DAZAP1: variants seen among roughly 807,000 people sequenced by gnomAD.
DAZAP1 encodes DAZ-associated protein 1.
DAZAP1 carries 6 observed loss-of-function variants against 60.1 expected under a neutral mutation model. That is an observed-to-expected ratio of 0.10 (90% CI 0.05 to 0.20). The LOEUF (loss-of-function observed/expected upper bound fraction) is 0.20. Ranked by LOEUF, DAZAP1 falls within the 10% of genes least tolerant of loss-of-function variation. The pLI is 1.00. For synonymous variants in DAZAP1, 235 were observed against 215.9 expected, an observed-to-expected ratio of 1.09 and a Z score of -0.78; for missense variants, 366 against 560.4, an observed-to-expected ratio of 0.65 and a Z score of 3.50.
intron 4 of DAZAP1, among the ~76,000 whole-genome samples, chr19:1,420,904 C>T (rs937814884): frequency 4.6e-5 from 7 of 152,158 alleles, no homozygotes; most frequent in African/African-American, 7.2e-5. Flanking sequence ...GTCGTGGGTC[C>T]GTTTAGCTGA....
At chr19:1,415,482 T>C (rs1260360757) in intron 1 of DAZAP1, among the ~76,000 whole-genome samples, 2 of 150,848 alleles carry the variant, frequency 1.3e-5, no homozygotes, top group African/African-American at 2.4e-5. Context: ...CCAGCCAGGC[T>C]TGGGGGCCCT....
intron 8 of DAZAP1, among the ~76,000 whole-genome samples, chr19:1,429,499 C>T (rs866157030): frequency 6.6e-6 from 1 of 152,218 alleles, no homozygotes; most frequent in African/African-American, 2.4e-5. Flanking sequence ...CTGGGCTTGG[C>T]TGCAGCCCGA....
At chr19:1,407,926 T>C in intron 1 of DAZAP1, 124 bp downstream of exon 1, 1 of 883,616 alleles carries the variant, frequency 1.1e-6, no homozygotes, top group South Asian at 5.2e-5. Context: ...GGGGGCGGAC[T>C]CGGGACCCGG....
intron 1 of DAZAP1, chr19:1,417,278 G>C (rs1280134876): frequency 1.6e-6 from 1 of 607,274 alleles, no homozygotes. Context: ...CTGTGGCACG[G>C]TCCTCTCCCC....
Position 1,418,377 on chromosome 19 carries a change from G to T in DAZAP1, c.237+7G>T, listed in dbSNP as rs2083048109. 1 of 1,610,504 alleles carries T rather than the reference G, an allele frequency of 6.2e-7. No homozygotes were observed. Among genetic ancestry groups the T allele is most frequent in the Non-Finnish European group, 8.5e-7 (1 of 1,177,404 alleles). Reference sequence around the variant, plus strand: ...CACGCTAGATGGCCGAAACGTAAGTGCCCTTCCGGGAGCTCACACCCGCTC... The same window carrying T: ...CACGCTAGATGGCCGAAACGTAAGTTCCCTTCCGGGAGCTCACACCCGCTC... On this transcript the variant is annotated splice_region_variant and intron_variant, in intron 3 of 11. Transcript: ENST00000233078. The surrounding 1 kb of genome is among the most constrained non-coding windows in gnomAD (Gnocchi z 5.7).
Position 1,432,768 on chromosome 19 carries a change from C to T in DAZAP1, c.1048+78C>T. 1 of 1,455,834 alleles carries T rather than the reference C, an allele frequency of 6.9e-7. No individual in the cohort carries two copies. The highest frequency in any genetic ancestry group is 2.3e-5 in the East Asian group (1 of 43,380). The allele number at this position is 1,455,834 out of a possible 1,614,324, so 90.2% of individuals were successfully genotyped here. ...CGGCCTGCCTTCTTCTGCTTCCTCCCCTGCTGGACGCTCCCCAGCCTTTAC... is the reference window on the plus strand; with the variant it reads ...CGGCCTGCCTTCTTCTGCTTCCTCCTCTGCTGGACGCTCCCCAGCCTTTAC... On this transcript the variant is annotated intron_variant, in intron 11 of 11. Transcript: ENST00000233078. The surrounding 1 kb of genome is among the most constrained non-coding windows in gnomAD (Gnocchi z 4.9).
chr19:1,425,815 TTCA>T lies in DAZAP1; in HGVS notation c.464-57_464-55del. The T allele has an allele frequency of 3.5e-6, 4 of 1,148,818 alleles. No homozygotes were observed. Among genetic ancestry groups the T allele is most frequent in the African/African-American group, 1.5e-5 (1 of 65,850 alleles). 71.2% of individuals were successfully genotyped at this position (1,148,818 alleles called of 1,614,324 possible). A position where few individuals can be genotyped will look rare whatever the true frequency, so the allele number is the denominator to read the frequency against. ...ATCCCTCGGCCCGTCCCTAATACTGTTCATCATCCTGTTTTGTGTCACAACACC... is the reference window on the plus strand; with the variant it reads ...ATCCCTCGGCCCGTCCCTAATACTGTTCATCCTGTTTTGTGTCACAACACC... On this transcript the variant is annotated intron_variant, in intron 6 of 11. Coordinates refer to ENST00000233078, the MANE Select transcript of DAZAP1 (RefSeq NM_018959.4). The surrounding 1 kb of genome is among the most constrained non-coding windows in gnomAD (Gnocchi z 5.4).
Position 1,433,751 on chromosome 19 carries a change from A to AT in DAZAP1, c.1049-984dup. 6.2e-7 allele frequency: 1 copy of AT among 1,613,664 alleles called. No individual in the cohort carries two copies. Among genetic ancestry groups the AT allele is most frequent in the Non-Finnish European group, 8.5e-7 (1 of 1,179,812 alleles). On this transcript the variant is annotated intron_variant, in intron 11 of 11. Transcript: ENST00000233078. The surrounding 1 kb of genome is among the most constrained non-coding windows in gnomAD (Gnocchi z 6.1). The stretch of plus-strand genomic sequence containing the variant: ...CGTCTCTTGCCAGGCCTGGGTTCCT[A>AT]TTCTCCAGCCCCGCCGGGCTGCGGC...
chr19:1,421,365 C>T (rs2083150984), intron 5 of DAZAP1, 107 bp downstream of exon 5: 17 of 934,442 alleles, frequency 1.8e-5, no homozygotes, highest in Non-Finnish European at 2.8e-5. Context: ...ACGGGCCTTT[C>T]AGGCTGGGAG....
At chr19:1,430,767 C>T (rs1464659156) in intron 10 of DAZAP1, among the ~76,000 whole-genome samples, 2 of 150,828 alleles carry the variant, frequency 1.3e-5, no homozygotes, top group Non-Finnish European at 1.5e-5. Context: ...GTAGCCCAGG[C>T]TGGAGTGCAG....
chr19:1,421,449 A>G (rs1290835777), intron 5 of DAZAP1, among the ~76,000 whole-genome samples, 191 bp downstream of exon 5: 1 of 152,202 alleles, frequency 6.6e-6, no homozygotes, highest in Non-Finnish European at 1.5e-5. Flanking sequence ...CTTCATGGCC[A>G]TTTCGTGTCC....
At chr19:1,415,353 A>ACGTGTGTG (rs2082945899) in intron 1 of DAZAP1, among the ~76,000 whole-genome samples, 1 of 109,374 alleles carries the variant, frequency 9.1e-6, no homozygotes, top group African/African-American at 3.8e-5. Context: ...TCAGGGTTTT[A>ACGTGTGTG]TGTGTGTGTG....
chr19:1,419,500 C>T (rs561788721), intron 4 of DAZAP1, among the ~76,000 whole-genome samples: 63 of 152,312 alleles, frequency 4.1e-4, no homozygotes, highest in Non-Finnish European at 7.8e-4. Flanking sequence ...GGCCACCCCT[C>T]GCATGCACCC....
At chr19:1,430,088 T>TCCCGTGTCCTGAGTGCTGGAGA in intron 9 of DAZAP1, 92 bp downstream of exon 9, 1 of 1,580,082 alleles carries the variant, frequency 6.3e-7, no homozygotes, top group East Asian at 2.3e-5. Flanking sequence ...AAAGCCTGGT[T>TCCCGTGTCCTGAGTGCTGGAGA]CCCGTGTCCT....
At position 1,434,682 on chromosome 19, in the gene DAZAP1, C is replaced by T. The variant is rs774483990; in HGVS notation, c.1049-55C>T. ...GCTGTGTCCAGGTGGCCTCGCTCGA[C>T]GGCAGTGCCAACCGCCCAGGGACCG... On this transcript the variant is annotated intron_variant, in intron 11 of 11. Coordinates refer to ENST00000233078, the MANE Select transcript of DAZAP1 (RefSeq NM_018959.4). The surrounding 1 kb of genome is among the most constrained non-coding windows in gnomAD (Gnocchi z 8.0). 137 of 1,591,152 alleles carry T rather than the reference C, an allele frequency of 8.6e-5. 1 individual carries two copies. Among genetic ancestry groups the T allele is most frequent in the East Asian group, 2.3e-4 (10 of 43,648 alleles).
chr19:1,430,018 A>G, intron 9 of DAZAP1, 22 bp downstream of exon 9: 5 of 1,574,778 alleles, frequency 3.2e-6, no homozygotes, highest in Non-Finnish European at 4.3e-6. Flanking sequence ...TTTATAGAGC[A>G]AAGGCGGGGA....
Position 1,422,912 on chromosome 19 carries a change from T to G in DAZAP1, c.463+516T>G, listed in dbSNP as rs2144825479. 6.6e-6 allele frequency among the ~76,000 whole-genome samples: 1 copy of G among 151,696 alleles called. No homozygotes were observed. Among genetic ancestry groups the G allele is most frequent in the African/African-American group, 2.4e-5 (1 of 41,282 alleles). ...TCAGCAGGGCAGGTGGGAGGAGGGG[T>G]GAGGAGTCACCTCAGGGCCTCCCCT... On this transcript the variant is annotated intron_variant, in intron 6 of 11. Transcript: ENST00000233078. The surrounding 1 kb of genome is among the most constrained non-coding windows in gnomAD (Gnocchi z 4.5).
At position 1,434,693 on chromosome 19, in the gene DAZAP1, A is replaced by G. The variant is rs369830243; in HGVS notation, c.1049-44A>G. The G allele has an allele frequency of 2.0e-5, 32 of 1,601,204 alleles. No homozygotes were observed. Among genetic ancestry groups the G allele is most frequent in the Non-Finnish European group, 2.5e-5 (29 of 1,174,586 alleles). On this transcript the variant is annotated intron_variant, in intron 11 of 11. Coordinates refer to ENST00000233078, the MANE Select transcript of DAZAP1 (RefSeq NM_018959.4). The surrounding 1 kb of genome is among the most constrained non-coding windows in gnomAD (Gnocchi z 8.0). ...GTGGCCTCGCTCGACGGCAGTGCCA[A>G]CCGCCCAGGGACCGCCCCGAGCTCA...
At chr19:1,431,249 C>T (rs1459118380) in intron 10 of DAZAP1, among the ~76,000 whole-genome samples, 2 of 151,124 alleles carry the variant, frequency 1.3e-5, no homozygotes, top group South Asian at 2.1e-4. Flanking sequence ...CTACCTCAGT[C>T]TCCTGAGTAG....
Sources: allele counts gnomAD v4.1 joint callset (sites outside exome capture counted in the v4.1 genomes callset), GRCh38; gene constraint gnomAD v4.1.1; non-coding constraint Gnocchi (gnomAD v3.1); transcripts MANE v1.5; gene names NCBI Gene and HGNC (gene_info 2026-07-23, HGNC 2026-07-21).